The following ARMC9 variants were observed in gnomAD, a reference collection of about 807,000 sequenced individuals.
ARMC9 encodes the protein armadillo repeat containing 9.
ARMC9 carries 94 observed loss-of-function variants against 107.0 expected under a neutral mutation model. The observed-to-expected ratio is 0.88, with a 90% CI of 0.74 to 1.04. The LOEUF is 1.04. Ranked by LOEUF, ARMC9 falls within the 50% of genes least tolerant of loss-of-function variation. The pLI is 0.00. For synonymous variants in ARMC9, 380 were observed against 396.9 expected, an observed-to-expected ratio of 0.96 and a Z score of 0.51; for missense variants, 942 against 1,030.1, an observed-to-expected ratio of 0.91 and a Z score of 1.17.
Position 231,276,751 on chromosome 2 carries a change from A to G in ARMC9, c.1450A>G (p.Met484Val), listed in dbSNP as rs777406461. ...YTLEYSVALL[M>V]NLCLRSTGKN... The stretch of plus-strand genomic sequence containing the variant: ...GCTGGAGTACTCGGTGGCTTTGCTC[A>G]TGAACCTCTGCCTCCGCAGCACAGG... Residue 484 changes from methionine to valine, a missense_variant, in exon 15 of 25, where the codon ATG (methionine) becomes GTG (valine). Transcript: ENST00000611582. 4 of 1,613,982 alleles carry G rather than the reference A, an allele frequency of 2.5e-6. No homozygotes were observed. The highest frequency in any genetic ancestry group is 2.2e-5 in the East Asian group (1 of 44,888).
At chr2:231,294,695 A>G (rs1431411561) in intron 18 of ARMC9, 1 of 152,386 alleles carries the variant, frequency 6.6e-6, no homozygotes, top group Non-Finnish European at 1.5e-5. Flanking sequence ...CAAGAGTCTT[A>G]AAAAAGGCAT....
In ARMC9 at chr2:231,206,208, T is replaced by C. The variant is rs146897446; in HGVS notation, c.-31T>C. 6.2e-7 allele frequency: 1 copy of C among 1,600,718 alleles called. No homozygotes were observed. The highest frequency in any genetic ancestry group is 8.6e-7 in the Non-Finnish European group (1 of 1,168,592). On this transcript the variant is annotated 5_prime_UTR_variant, in exon 2 of 25. Transcript: ENST00000611582. Reference sequence around the variant, plus strand: ...ATTTTTGCCTTCTAGAGATTTTTGCTGTGAGAATTAATTACCAGTAACAGT... The same window carrying C: ...ATTTTTGCCTTCTAGAGATTTTTGCCGTGAGAATTAATTACCAGTAACAGT...
chr2:231,335,517 G>T (rs899320727), intron 20 of ARMC9, among the ~76,000 whole-genome samples: 1 of 152,188 alleles, frequency 6.6e-6, no homozygotes, highest in Admixed American at 6.5e-5. Context: ...CCTCTGCTCT[G>T]CAGAGCACAG....
intron 7 of ARMC9, among the ~76,000 whole-genome samples, chr2:231,231,694 AT>A (rs56732024): frequency 2.1e-4 from 30 of 144,496 alleles, no homozygotes; most frequent in South Asian, 1.8e-3. Flanking sequence ...TGAAAAAAAA[AT>A]TTTTTTTTTT....
Position 231,211,709 on chromosome 2 carries a change from T to G in ARMC9, c.178-3122T>G, listed in dbSNP as rs190212681. On this transcript the variant is annotated intron_variant, in intron 3 of 24. Coordinates refer to ENST00000611582, the MANE Select transcript of ARMC9 (RefSeq NM_001352754.2). ...ACAAAGTGGTTATACTATTTTCCATTCCCACCAGCAGTACATAAGCGTTCC... is the reference window on the plus strand; with the variant it reads ...ACAAAGTGGTTATACTATTTTCCATGCCCACCAGCAGTACATAAGCGTTCC... Among the ~76,000 whole-genome samples, 34 of 152,302 alleles carry G rather than the reference T, an allele frequency of 2.2e-4. 1 individual carries two copies. Among genetic ancestry groups the G allele is most frequent in the Admixed American group, 1.9e-3 (29 of 15,282 alleles).
chr2:231,303,058 T>C (rs1270341918), intron 19 of ARMC9, among the ~76,000 whole-genome samples: 1 of 152,248 alleles, frequency 6.6e-6, no homozygotes, highest in East Asian at 1.9e-4. Context: ...TTAAAATCTA[T>C]TGATCTATTT....
intron 1 of ARMC9, among the ~76,000 whole-genome samples, chr2:231,204,714 T>A (rs1463124936): frequency 6.6e-6 from 1 of 151,896 alleles, no homozygotes; most frequent in Non-Finnish European, 1.5e-5. Context: ...AGGGCAAGAC[T>A]CTCTGAGGAG....
intron 4 of ARMC9, among the ~76,000 whole-genome samples, chr2:231,215,920 C>CTCA (rs1465742104): frequency 1.3e-5 from 2 of 152,142 alleles, no homozygotes; most frequent in Non-Finnish European, 2.9e-5. Flanking sequence ...CAAAAGAGGG[C>CTCA]TCATGGTATA....
At chr2:231,328,028 C>T (rs2043451974) in intron 19 of ARMC9, among the ~76,000 whole-genome samples, 2 of 152,168 alleles carry the variant, frequency 1.3e-5, no homozygotes, top group Non-Finnish European at 2.9e-5. Flanking sequence ...AAGTGATTCG[C>T]TCGCCTCGGC....
chr2:231,338,561 A>T, intron 20 of ARMC9, among the ~76,000 whole-genome samples: 1 of 117,678 alleles, frequency 8.5e-6, no homozygotes, highest in African/African-American at 3.7e-5. Context: ...TTTTTTTGCG[A>T]CAGTGTCTCG....
At chr2:231,260,615 AGTG>A (rs1247602572) in intron 11 of ARMC9, among the ~76,000 whole-genome samples, 9 of 152,176 alleles carry the variant, frequency 5.9e-5, no homozygotes, top group Non-Finnish European at 2.9e-5. Context: ...GTGGACAAGC[AGTG>A]GTGTCTGCTC....
At chr2:231,335,683 C>T (rs1458063624) in intron 20 of ARMC9, among the ~76,000 whole-genome samples, 3 of 152,208 alleles carry the variant, frequency 2.0e-5, no homozygotes, top group African/African-American at 4.8e-5. Context: ...CTGCTATAGG[C>T]TGTGAACGTC....
intron 17 of ARMC9, among the ~76,000 whole-genome samples, chr2:231,287,347 AGGT>A (rs1034707997): frequency 6.6e-5 from 10 of 152,262 alleles, no homozygotes; most frequent in Admixed American, 2.0e-4. Context: ...GGCAGAATCT[AGGT>A]GGTGTGCCTG....
chr2:231,276,507 T>C (rs1027572870), intron 14 of ARMC9, 129 bp from the exon 15 acceptor site: 6 of 1,246,538 alleles, frequency 4.8e-6, no homozygotes, highest in Non-Finnish European at 6.7e-6. Context: ...TGACCTCAGG[T>C]GATCCGTCCG....
intron 17 of ARMC9, among the ~76,000 whole-genome samples, chr2:231,282,665 A>G (rs2040301395): frequency 6.6e-6 from 1 of 152,262 alleles, no homozygotes; most frequent in African/African-American, 2.4e-5. Context: ...AGGATTAAAT[A>G]TATTTCCACC....
chr2:231,277,647 C>T, intron 15 of ARMC9, among the ~76,000 whole-genome samples: 1 of 150,980 alleles, frequency 6.6e-6, no homozygotes, highest in Non-Finnish European at 1.5e-5. Flanking sequence ...GGTGCAACCT[C>T]TGCCTCCCGG....
intron 19 of ARMC9, 123 bp downstream of exon 19, chr2:231,296,376 C>T: frequency 3.3e-6 from 3 of 902,958 alleles, no homozygotes; most frequent in Non-Finnish European, 5.1e-6. Context: ...TCTCACAATT[C>T]TGAGGGTTGG....
intron 20 of ARMC9, among the ~76,000 whole-genome samples, chr2:231,341,038 A>G (rs2044470583): frequency 6.6e-6 from 1 of 152,140 alleles, no homozygotes; most frequent in South Asian, 2.1e-4. Context: ...GCCCGTCTCT[A>G]CAGATTAATT....
intron 19 of ARMC9, among the ~76,000 whole-genome samples, chr2:231,318,090 C>CGTTATAGATAACGT (rs1161740563): frequency 2.0e-5 from 3 of 151,668 alleles, no homozygotes; most frequent in Admixed American, 2.0e-4. Context: ...GACAACCAGA[C>CGTTATAGATAACGT]GTTATAGATA....
Sources: gnomAD v4.1 joint callset for allele counts (sites outside exome capture counted in the v4.1 genomes callset) on GRCh38, gnomAD v4.1.1 for gene constraint, MANE v1.5 for transcripts, NCBI Gene and HGNC (gene_info 2026-07-23, HGNC 2026-07-21) for gene names.